CHN1: variants seen among roughly 807,000 people sequenced by gnomAD.
CHN1 encodes the protein chimerin 1.
In CHN1, 37 loss-of-function variants were observed where a neutral mutation model predicts 59.5. The observed-to-expected ratio is 0.62, with a 90% confidence interval of 0.48 to 0.82. The LOEUF is 0.82. Ranked by LOEUF, CHN1 falls within the 40% of genes least tolerant of loss-of-function variation. The probability of loss-of-function intolerance (pLI) is 0.00; values close to 1 mark genes in which losing one functional copy is unlikely to be tolerated. For synonymous variants in CHN1, 206 were observed against 200.4 expected, an observed-to-expected ratio of 1.03 and a Z score of -0.24; for missense variants, 469 against 571.0, an observed-to-expected ratio of 0.82 and a Z score of 1.82.
Position 175,005,134 on chromosome 2 carries a change from C to A in CHN1, c.-222G>T. ...TGTCGGGCGCACCGGGCCCAGGGAGCCCCGCTAGCTCTCCGCGAGCCGGCA... is the reference window on the plus strand; with the variant it reads ...TGTCGGGCGCACCGGGCCCAGGGAGACCCGCTAGCTCTCCGCGAGCCGGCA... On this transcript the variant is annotated 5_prime_UTR_variant, in exon 1 of 13. Transcript: ENST00000409900. 2 of 1,305,242 alleles carry A rather than the reference C, an allele frequency of 1.5e-6. No homozygotes were observed. The highest frequency in any genetic ancestry group is 9.8e-7 in the Non-Finnish European group (1 of 1,024,994). 80.9% of individuals were successfully genotyped at this position (1,305,242 alleles called of 1,614,324 possible).
chr2:174,930,509 A>AT (rs2105386978), intron 3 of CHN1, among the ~76,000 whole-genome samples: 1 of 152,262 alleles, frequency 6.6e-6, no homozygotes, highest in South Asian at 2.1e-4. Context: ...TCAATGAGAC[A>AT]TATCTGGGCA....
At chr2:174,993,728 A>G (rs983114400) in intron 1 of CHN1, among the ~76,000 whole-genome samples, 2 of 152,210 alleles carry the variant, frequency 1.3e-5, no homozygotes, top group African/African-American at 4.8e-5. Context: ...GACACAAGAC[A>G]GAGAAAAACA....
At chr2:174,883,185 T>A (rs955959551) in intron 5 of CHN1, among the ~76,000 whole-genome samples, 1 of 152,182 alleles carries the variant, frequency 6.6e-6, no homozygotes, top group Non-Finnish European at 1.5e-5. Context: ...CGAAGTCCGT[T>A]TAAAAAGCAG....
rs530543975 is a variant in CHN1 at position 174,865,934 on chromosome 2, T to C, written c.549+11906A>G. Among the ~76,000 whole-genome samples, 5 of 152,298 alleles carry C rather than the reference T, an allele frequency of 3.3e-5. 1 individual carries two copies. Among genetic ancestry groups the C allele is most frequent in the African/African-American group, 9.6e-5 (4 of 41,564 alleles). On this transcript the variant is annotated intron_variant, in intron 6 of 12. Transcript: ENST00000409900. ...TGAAGCTGAGTCCTTCATTTTACTA[T>C]TGAGGCCCAGAGAGGTTATTAAGAC...
intron 3 of CHN1, among the ~76,000 whole-genome samples, chr2:174,937,274 T>C (rs1290701055): frequency 6.6e-6 from 1 of 152,174 alleles, no homozygotes; most frequent in African/African-American, 2.4e-5. Context: ...CACACATGGC[T>C]AGTCACTAAA....
At chr2:174,930,332 C>T (rs1458412211) in intron 3 of CHN1, among the ~76,000 whole-genome samples, 1 of 152,146 alleles carries the variant, frequency 6.6e-6, no homozygotes, top group African/African-American at 2.4e-5. Context: ...GGACAGCACA[C>T]CTCAAAATGC....
intron 1 of CHN1, among the ~76,000 whole-genome samples, chr2:174,958,613 T>A (rs148695631): frequency 6.6e-6 from 1 of 152,198 alleles, no homozygotes; most frequent in Admixed American, 6.5e-5. Context: ...GGCGCTTTCT[T>A]AGGGAACATC....
chr2:174,940,606 T>C (rs1689629777), intron 3 of CHN1, among the ~76,000 whole-genome samples: 1 of 152,134 alleles, frequency 6.6e-6, no homozygotes, highest in South Asian at 2.1e-4. Flanking sequence ...CATTCTGAAT[T>C]TGTCTGATTC....
At chr2:174,984,923 C>T (rs958709567) in intron 1 of CHN1, among the ~76,000 whole-genome samples, 1 of 152,042 alleles carries the variant, frequency 6.6e-6, no homozygotes, top group African/African-American at 2.4e-5. Context: ...CAAACCTTCA[C>T]AAGAATGAAG....
chr2:174,839,199 C>T (rs2105423438), intron 7 of CHN1, among the ~76,000 whole-genome samples: 2 of 152,118 alleles, frequency 1.3e-5, no homozygotes, highest in Non-Finnish European at 2.9e-5. Context: ...AAAATCTACT[C>T]TCAGAGAGAT....
At chr2:174,926,191 G>A (rs1689159635) in intron 3 of CHN1, among the ~76,000 whole-genome samples, 1 of 151,614 alleles carries the variant, frequency 6.6e-6, no homozygotes, top group South Asian at 2.1e-4. Flanking sequence ...TATAAACAAT[G>A]AACTACTTTC....
At chr2:174,826,856 T>C (rs1035317308) in intron 7 of CHN1, among the ~76,000 whole-genome samples, 3 of 152,188 alleles carry the variant, frequency 2.0e-5, no homozygotes, top group Non-Finnish European at 2.9e-5. Context: ...AAGCAATCTT[T>C]AGGATATTGT....
Position 174,878,036 on chromosome 2 carries a change from G to C in CHN1, c.353C>G (p.Thr118Ser). 6.2e-7 allele frequency: 1 copy of C among 1,613,870 alleles called. No homozygotes were observed. The highest frequency in any genetic ancestry group is 8.5e-7 in the Non-Finnish European group (1 of 1,179,792). ...AATATAGAGAGTAATCAAGCCATCAGTCACCAGATCGTGGATGGACTCAAA... is the reference window on the plus strand; with the variant it reads ...AATATAGAGAGTAATCAAGCCATCACTCACCAGATCGTGGATGGACTCAAA... ...KRFESIHDLV[T>S]DGLITLYIET... is the part of the protein sequence containing the mutation. Residue 118 changes from threonine (T) to serine (S), a missense_variant, in exon 6 of 13, where the codon ACT becomes AGT. By Grantham distance (58) the Thr-to-Ser change is moderately conservative (BLOSUM62 1). Around this residue, in one of 5 missense-constraint regions of CHN1, gnomAD observed 152 missense variants for 166.1 expected, o/e 0.92. Coordinates refer to ENST00000409900, the MANE Select transcript of CHN1 (RefSeq NM_001822.7).
At chr2:174,924,312 C>A (rs760889242) in intron 3 of CHN1, among the ~76,000 whole-genome samples, 1 of 152,172 alleles carries the variant, frequency 6.6e-6, no homozygotes, top group African/African-American at 2.4e-5. Context: ...ACTAAAAATT[C>A]TTATTTATCA....
intron 1 of CHN1, among the ~76,000 whole-genome samples, chr2:175,003,933 GGTAT>G (rs1186920030): frequency 2.6e-5 from 4 of 152,172 alleles, no homozygotes; most frequent in African/African-American, 7.2e-5. Flanking sequence ...AAGCATTTGA[GGTAT>G]GTAACACCTC....
chr2:174,819,749 G>C (rs1295067461), intron 8 of CHN1, among the ~76,000 whole-genome samples: 23 of 151,070 alleles, frequency 1.5e-4, no homozygotes, highest in Admixed American at 1.4e-3. Context: ...GTGCCATGCT[G>C]GTGTGCTGCA....
At chr2:174,887,687 A>G (rs1337456825) in intron 5 of CHN1, among the ~76,000 whole-genome samples, 1 of 152,248 alleles carries the variant, frequency 6.6e-6, no homozygotes, top group Non-Finnish European at 1.5e-5. Context: ...CAAAAGCCCC[A>G]TAATTAGGCT....
chr2:174,953,097 G>A (rs1467982475), intron 1 of CHN1, among the ~76,000 whole-genome samples: 1 of 151,734 alleles, frequency 6.6e-6, no homozygotes, highest in Non-Finnish European at 1.5e-5. Context: ...CACATCACCT[G>A]GCTCTGCTGG....
chr2:174,943,849 G>T (rs966665675), intron 3 of CHN1, among the ~76,000 whole-genome samples: 160 of 152,066 alleles, frequency 1.1e-3, no homozygotes, highest in African/African-American at 3.4e-3. Context: ...TGGAGAACAA[G>T]GTCTCACTAT....
Sources: allele counts gnomAD v4.1 joint callset (sites outside exome capture counted in the v4.1 genomes callset), GRCh38; gene constraint gnomAD v4.1.1; regional missense constraint gnomAD v4.1.1; transcripts MANE v1.5; gene names NCBI Gene and HGNC (gene_info 2026-07-23, HGNC 2026-07-21).